The following ZNF112 variants were observed in gnomAD, a reference collection of about 807,000 sequenced individuals.
ZNF112 encodes the protein zinc finger protein 112, also known as zinc finger protein 112 (Y14).
A neutral mutation model predicts 77.7 loss-of-function variants in ZNF112; 37 were observed. The observed-to-expected ratio is 0.48, with a 90% CI of 0.37 to 0.63. ZNF112 has a LOEUF of 0.63. Ranked by LOEUF, ZNF112 falls within the 20% of genes least tolerant of loss-of-function variation. The pLI, the probability that ZNF112 is intolerant of heterozygous loss-of-function variation, is 0.00. For missense variants in ZNF112, 950 were observed against 1,077.4 expected (o/e 0.88, Z 1.66); for synonymous variants, 333 against 363.6 (o/e 0.92, Z 0.96).
chr19:44,360,924 A>G (rs1209810664), upstream of ZNF112, among the ~76,000 whole-genome samples: 1 of 152,240 alleles, frequency 6.6e-6, no homozygotes, highest in African/African-American at 2.4e-5. Flanking sequence ...AGGATCATTC[A>G]TCACAATGAC....
chr19:44,329,475 G>C lies in ZNF112; in HGVS notation c.682C>G (p.His228Asp). Residue 228 changes from histidine to aspartate, a missense_variant, in exon 4 of 4, where the codon CAT becomes GAT. Physicochemically the swap from His to Asp is moderately conservative, Grantham distance 81. Transcript: ENST00000354340. ...TTCATGATATCTTCTCCACAGTCATGGCAGCTGTAGTTTTCTTTTCTGTGT... is the reference window on the plus strand; with the variant it reads ...TTCATGATATCTTCTCCACAGTCATCGCAGCTGTAGTTTTCTTTTCTGTGT... ...EVHRKENYSC[H>D]DCGEDIMKVS... is the part of the protein sequence containing the mutation. 6.2e-7 allele frequency: 1 copy of C among 1,614,060 alleles called. No individual in the cohort carries two copies. The highest frequency in any genetic ancestry group is 8.5e-7 in the Non-Finnish European group (1 of 1,179,996).
chr19:44,357,563 C>T (rs568595927), upstream of ZNF112, among the ~76,000 whole-genome samples: 3 of 150,300 alleles, frequency 2.0e-5, no homozygotes, highest in South Asian at 6.3e-4. Context: ...ACGTGGATGC[C>T]AAGAATCCAC....
chr19:44,352,049 A>T (rs1181571031), intron 1 of ZNF112, among the ~76,000 whole-genome samples: 1 of 152,000 alleles, frequency 6.6e-6, no homozygotes, highest in Non-Finnish European at 1.5e-5. Context: ...GGGGTTGGGG[A>T]GTGAACCAGG....
chr19:44,352,989 T>C (rs750056284), intron 1 of ZNF112, among the ~76,000 whole-genome samples: 2 of 151,896 alleles, frequency 1.3e-5, no homozygotes, highest in Non-Finnish European at 2.9e-5. Context: ...GATTCTAAAA[T>C]GCATATGGAA....
chr19:44,328,784 A>G lies in ZNF112; in HGVS notation c.1373T>C (p.Val458Ala). Residue 458 changes from valine (V) to alanine (A), a missense_variant, in exon 4 of 4, where the codon GTC becomes GCC. Transcript: ENST00000354340. Reference protein sequence around the residue: ...LASHFQDLQIVHTKEQPYKRY... With the variant: ...LASHFQDLQIAHTKEQPYKRY... ...TTTATATGGTTGTTCCTTAGTGTGG[A>G]CTATCTGAAGGTCCTGAAAATGTGA... 3.1e-6 allele frequency: 5 copies of G among 1,614,116 alleles called. No individual in the cohort carries two copies. The highest frequency in any genetic ancestry group is 4.2e-6 in the Non-Finnish European group (5 of 1,179,998).
At chr19:44,360,257 G>GAAAA (rs55864740), upstream of ZNF112, among the ~76,000 whole-genome samples, 1 of 138,732 alleles carries the variant, frequency 7.2e-6, no homozygotes, top group South Asian at 2.2e-4. Context: ...TCCATCTCAA[G>GAAAA]AAAAAAAAAA....
At chr19:44,347,802 T>C (rs1568673226) in intron 1 of ZNF112, among the ~76,000 whole-genome samples, 1 of 152,110 alleles carries the variant, frequency 6.6e-6, no homozygotes, top group Non-Finnish European at 1.5e-5. Context: ...CAGTATTTTA[T>C]ATTTGCCAAA....
chr19:44,353,376 G>C (rs1970727011), intron 1 of ZNF112, among the ~76,000 whole-genome samples: 1 of 152,000 alleles, frequency 6.6e-6, no homozygotes. Flanking sequence ...ATCCAAAAAA[G>C]ATAACATTGA....
Position 44,329,282 on chromosome 19 carries a change from C to CTA in ZNF112, c.873_874dup (p.Ser292IlefsTer22). On this transcript the variant is annotated frameshift_variant, in exon 4 of 4. Coordinates refer to ENST00000354340, the MANE Select transcript of ZNF112 (RefSeq NM_013380.4). LOFTEE classifies it high-confidence loss of function. ...ATTTTGATGAATATGAAGAAGTGAA[C>CTA]TATAATTACAGCCCTTTCCACATGA... The CTA allele has an allele frequency of 6.2e-7, 1 of 1,613,974 alleles. No homozygotes were observed. The highest frequency in any genetic ancestry group is 2.2e-5 in the East Asian group (1 of 44,872).
chr19:44,360,053 C>T (rs771394177), upstream of ZNF112, among the ~76,000 whole-genome samples: 13 of 151,296 alleles, frequency 8.6e-5, no homozygotes, highest in Non-Finnish European at 1.3e-4. Flanking sequence ...TCAGGAGATC[C>T]AGACCATTCT....
chr19:44,330,855 C>A (rs182861928), intron 3 of ZNF112, among the ~76,000 whole-genome samples: 1 of 152,320 alleles, frequency 6.6e-6, no homozygotes, highest in Non-Finnish European at 1.5e-5. Flanking sequence ...TGCAAATGGA[C>A]AAACGCCTTT....
chr19:44,340,007 G>A (rs142880786), intron 2 of ZNF112, among the ~76,000 whole-genome samples: 1 of 152,194 alleles, frequency 6.6e-6, no homozygotes, highest in African/African-American at 2.4e-5. Flanking sequence ...TGTTATTAGA[G>A]GTGAATCCAG....
chr19:44,339,380 G>A (rs543069244), intron 2 of ZNF112, among the ~76,000 whole-genome samples: 7 of 152,162 alleles, frequency 4.6e-5, no homozygotes, highest in Admixed American at 3.3e-4. Flanking sequence ...TGAGCCATGT[G>A]GTATTAGCTT....
At chr19:44,367,159 G>C in exon 1 of ZNF112, 3 of 456,100 alleles carry the variant, frequency 6.6e-6, no homozygotes, top group Non-Finnish European at 1.3e-5. Context: ...CAGGCTAAAC[G>C]AAACATTGCT....
intron 1 of ZNF112, among the ~76,000 whole-genome samples, chr19:44,355,981 G>C (rs1255407070): frequency 6.6e-6 from 1 of 152,130 alleles, no homozygotes; most frequent in Non-Finnish European, 1.5e-5. Flanking sequence ...GGCTAAAGAA[G>C]GAAAGGAGGA....
upstream of ZNF112, among the ~76,000 whole-genome samples, chr19:44,358,953 G>T (rs956354145): frequency 6.6e-6 from 1 of 152,124 alleles, no homozygotes; most frequent in African/African-American, 2.4e-5. Flanking sequence ...TATATCCTGT[G>T]CCTGCCAACC....
chr19:44,333,174 C>T (rs896478590), intron 3 of ZNF112, among the ~76,000 whole-genome samples: 1 of 152,162 alleles, frequency 6.6e-6, no homozygotes, highest in African/African-American at 2.4e-5. Context: ...AATTCAATAA[C>T]AAAGGTGCTA....
intron 3 of ZNF112, among the ~76,000 whole-genome samples, chr19:44,333,059 A>G (rs1970299013): frequency 6.6e-6 from 1 of 152,250 alleles, no homozygotes; most frequent in Admixed American, 6.5e-5. Context: ...TGCCGAAGAC[A>G]TCATTTGAGG....
intron 1 of ZNF112, among the ~76,000 whole-genome samples, chr19:44,341,486 A>C (rs1970488909): frequency 6.6e-6 from 1 of 152,226 alleles, no homozygotes; most frequent in Non-Finnish European, 1.5e-5. Context: ...CCCAAAACAG[A>C]CTTTCGCCTT....
Sources: gnomAD v4.1 joint callset for allele counts (sites outside exome capture counted in the v4.1 genomes callset) on GRCh38, gnomAD v4.1.1 for gene constraint, MANE v1.5 for transcripts, NCBI Gene and HGNC (gene_info 2026-07-23, HGNC 2026-07-21) for gene names.